CCN4: variants seen among roughly 807,000 people sequenced by gnomAD.
CCN4 encodes CCN family member 4.
In CCN4, 30 loss-of-function variants were observed where a neutral mutation model predicts 36.7. That is an observed-to-expected ratio of 0.82 (90% CI 0.61 to 1.11). The LOEUF (loss-of-function observed/expected upper bound fraction) is 1.11. CCN4 is among the 50% of genes least tolerant of loss of function. The pLI is 0.00. For missense variants in CCN4, 505 were observed against 504.9 expected (o/e 1.00, Z 0.00); for synonymous variants, 191 against 195.4 (o/e 0.98, Z 0.19).
At position 133,210,484 on chromosome 8, in the gene CCN4, AAGGGC is replaced by A. The variant is rs554141566; in HGVS notation, c.70-2376_70-2372del. ...GTTGTGTTTTTGAGGAAATATGAAC[AAGGGC>A]AGGCTAACTAGTGCCTCCTCGGTGA... On this transcript the variant is annotated intron_variant, in intron 1 of 4. Transcript: ENST00000250160. 6.6e-5 allele frequency among the ~76,000 whole-genome samples: 10 copies of A among 152,148 alleles called. No individual in the cohort carries two copies. In the South Asian group the frequency reaches 1.7e-3, roughly 25 times the overall value.
At chr8:133,223,009 G>A (rs1300178414) in intron 3 of CCN4, among the ~76,000 whole-genome samples, 1 of 151,994 alleles carries the variant, frequency 6.6e-6, no homozygotes, top group Non-Finnish European at 1.5e-5. Flanking sequence ...GATGCCAGAA[G>A]CGCCCGCTCC....
chr8:133,223,519 T>C (rs1410017545), intron 3 of CCN4, among the ~76,000 whole-genome samples: 1 of 152,202 alleles, frequency 6.6e-6, no homozygotes, highest in Non-Finnish European at 1.5e-5. Context: ...TTACCTTTCC[T>C]CTTTATCCTT....
Position 133,220,815 on chromosome 8 carries a change from C to G in CCN4, c.584C>G (p.Thr195Ser). The G allele has an allele frequency of 3.7e-6, 6 of 1,605,492 alleles. No homozygotes were observed. In the South Asian group the frequency reaches 6.6e-5, roughly 18 times the overall value. The change falls in exon 3 of 5, where the codon ACC (threonine) becomes AGC (serine). Residue 195 changes from threonine to serine, a missense_variant. Coordinates refer to ENST00000250160, the MANE Select transcript of CCN4 (RefSeq NM_003882.4). The stretch of plus-strand genomic sequence containing the variant: ...GACGACGCCAAGAGGCCACGCAAGA[C>G]CGCACCCCGTGACACAGGAGCCTTC... ...CEDDAKRPRK[T>S]APRDTGAFDA...
Position 133,227,635 on chromosome 8 carries a change from C to T in CCN4, c.1029C>T (p.Asn343=). The change falls in exon 5 of 5, where the codon AAC becomes AAT. Residue 343 remains asparagine (N), a synonymous_variant. Coordinates refer to ENST00000250160, the MANE Select transcript of CCN4 (RefSeq NM_003882.4). The part of the protein sequence containing the change: ...QVLWINACFC[N]LSCRNPNDIF... ...TATGGATTAATGCCTGCTTCTGTAA[C>T]CTGAGCTGTAGGAATCCCAATGACA... is the stretch of plus-strand genomic sequence containing the variant. The T allele has an allele frequency of 1.9e-6, 3 of 1,614,240 alleles. No homozygotes were observed. The highest frequency in any genetic ancestry group is 2.5e-6 in the Non-Finnish European group (3 of 1,180,036).
At chr8:133,218,068 C>G (rs1402079046) in intron 2 of CCN4, among the ~76,000 whole-genome samples, 1 of 152,122 alleles carries the variant, frequency 6.6e-6, no homozygotes. Flanking sequence ...TCTGTCCCCT[C>G]CTTCACTGGT....
intron 1 of CCN4, among the ~76,000 whole-genome samples, chr8:133,202,053 G>A (rs887989618): frequency 6.6e-5 from 10 of 152,132 alleles, no homozygotes; most frequent in African/African-American, 2.2e-4. Flanking sequence ...AGTGTTTTTT[G>A]TTGTGGTTTT....
chr8:133,207,707 G>C (rs1274928921), intron 1 of CCN4, among the ~76,000 whole-genome samples: 1 of 152,194 alleles, frequency 6.6e-6, no homozygotes, highest in Non-Finnish European at 1.5e-5. Flanking sequence ...TCTCCATATA[G>C]AATGAGCCCT....
chr8:133,222,205 G>A (rs1854561992), intron 3 of CCN4, among the ~76,000 whole-genome samples: 1 of 152,198 alleles, frequency 6.6e-6, no homozygotes, highest in African/African-American at 2.4e-5. Flanking sequence ...AACTAGGGCA[G>A]TGGGAGTAGA....
chr8:133,226,977 G>A (rs73362549), intron 4 of CCN4, among the ~76,000 whole-genome samples: 6,424 of 152,284 alleles, frequency 0.042, 450 homozygotes, highest in African/African-American at 0.14. Context: ...GAAAGGCCAC[G>A]AGAGGCAAAG....
chr8:133,220,417 C>G (rs1854475160), intron 2 of CCN4, among the ~76,000 whole-genome samples, 164 bp from the exon 3 acceptor site: 1 of 152,210 alleles, frequency 6.6e-6, no homozygotes, highest in Non-Finnish European at 1.5e-5. Flanking sequence ...CTGCCCTGTG[C>G]ACTCTCACAC....
At chr8:133,211,812 G>T (rs976836923) in intron 1 of CCN4, among the ~76,000 whole-genome samples, 3 of 152,196 alleles carry the variant, frequency 2.0e-5, no homozygotes, top group East Asian at 1.9e-4. Context: ...CCTGGCTCCC[G>T]TCCCCGCTCC....
rs1426146034 is a variant in CCN4 at position 133,229,796 on chromosome 8, CAA to C, written c.*2089_*2090del. On this transcript the variant is annotated 3_prime_UTR_variant, in exon 5 of 5. Coordinates refer to ENST00000250160, the MANE Select transcript of CCN4 (RefSeq NM_003882.4). ...CAAAATTTTATATTAAGTGCCTTAG[CAA>C]AAGAGACATTTAATATTTCAAAGAA... 6.6e-6 allele frequency: 1 copy of C among 152,150 alleles called. No homozygotes were observed. Among genetic ancestry groups the C allele is most frequent in the Non-Finnish European group, 1.5e-5 (1 of 68,024 alleles). 9.4% of individuals were successfully genotyped at this position (152,150 alleles called of 1,614,324 possible).
At chr8:133,194,343 TG>T (rs1369784510) in intron 1 of CCN4, among the ~76,000 whole-genome samples, 2 of 42,410 alleles carry the variant, frequency 4.7e-5, no homozygotes, top group African/African-American at 1.0e-4. Context: ...GTGGTGTGTG[TG>T]GGGGGGTGGT....
In CCN4 at chr8:133,211,862, T is replaced by A. The variant is rs186873364; in HGVS notation, c.70-1002T>A. Among the ~76,000 whole-genome samples the A allele has an allele frequency of 3.9e-4, 59 of 152,184 alleles. 1 individual carries two copies. In the East Asian group the frequency reaches 0.011, roughly 28 times the overall value. ...ATTCTCTTCCTCTTGCAGGCCCAGG[T>A]CTCTTTCGAGATAGAGCAAAGGGCA... On this transcript the variant is annotated intron_variant, in intron 1 of 4. Coordinates refer to ENST00000250160, the MANE Select transcript of CCN4 (RefSeq NM_003882.4).
chr8:133,225,347 G>A (rs1854687168), intron 3 of CCN4, 43 bp from the exon 4 acceptor site: 2 of 1,528,450 alleles, frequency 1.3e-6, no homozygotes, highest in Non-Finnish European at 1.8e-6. Flanking sequence ...TTGGGGGCTG[G>A]TGGGAGCTGT....
At chr8:133,203,603 G>T (rs1220115130) in intron 1 of CCN4, among the ~76,000 whole-genome samples, 1 of 152,190 alleles carries the variant, frequency 6.6e-6, no homozygotes, top group Admixed American at 6.5e-5. Flanking sequence ...TACAAATGAT[G>T]AAACAAGCTC....
At chr8:133,203,341 A>G (rs1053420577) in intron 1 of CCN4, among the ~76,000 whole-genome samples, 5 of 152,198 alleles carry the variant, frequency 3.3e-5, no homozygotes, top group African/African-American at 1.2e-4. Context: ...GCAGGCACAT[A>G]GTAGACGCTT....
At chr8:133,212,434 G>T (rs1407060879) in intron 1 of CCN4, among the ~76,000 whole-genome samples, 1 of 152,106 alleles carries the variant, frequency 6.6e-6, no homozygotes, top group Non-Finnish European at 1.5e-5. Context: ...GAAGGAACTG[G>T]CCCTGCAGGT....
intron 1 of CCN4, among the ~76,000 whole-genome samples, chr8:133,194,729 A>C (rs570371066): frequency 4.9e-5 from 1 of 20,308 alleles, no homozygotes; most frequent in South Asian, 1.7e-3. Flanking sequence ...GGATGTGTGT[A>C]GTGTGTGTGT....
Sources: allele counts gnomAD v4.1 joint callset (sites outside exome capture counted in the v4.1 genomes callset), GRCh38; gene constraint gnomAD v4.1.1; transcripts MANE v1.5; gene names NCBI Gene and HGNC (gene_info 2026-07-23, HGNC 2026-07-21).